SV2C: variants seen among roughly 807,000 people sequenced by gnomAD.
The protein encoded by SV2C is synaptic vesicle glycoprotein 2C.
In SV2C, 49 loss-of-function variants were observed where a neutral mutation model predicts 79.7. That is an observed-to-expected ratio of 0.61 (90% CI 0.49 to 0.78). SV2C has a LOEUF of 0.78. Ranked by LOEUF, SV2C falls within the 30% of genes least tolerant of loss-of-function variation. SV2C has a pLI of 0.00. For missense variants in SV2C, 833 were observed against 912.9 expected (o/e 0.91, Z 1.13); for synonymous variants, 334 against 333.2 (o/e 1.00, Z -0.03).
the SV2C span, among the ~76,000 whole-genome samples, chr5:75,915,955 G>T: frequency 1.3e-5 from 2 of 152,116 alleles, no homozygotes; most frequent in Non-Finnish European, 2.9e-5. Flanking sequence ...TTGCAAAAGG[G>T]GTCTTATCAA....
At chr5:76,257,261 GTA>G (rs1307295377) in intron 4 of SV2C, among the ~76,000 whole-genome samples, 6 of 36,316 alleles carry the variant, frequency 1.7e-4, no homozygotes, top group African/African-American at 4.3e-4. Context: ...GGGCTGTAGT[GTA>G]TGTGTGTGTG....
the SV2C span, among the ~76,000 whole-genome samples, chr5:75,883,865 A>G: frequency 6.6e-6 from 1 of 150,710 alleles, no homozygotes; most frequent in Non-Finnish European, 1.5e-5. Flanking sequence ...CAAAAAAAAA[A>G]CATTTCTTTC....
At chr5:75,933,306 A>G in the SV2C span, among the ~76,000 whole-genome samples, 119 of 152,192 alleles carry the variant, frequency 7.8e-4, 2 homozygotes, top group East Asian at 0.016. Context: ...TCACTTGCTT[A>G]CTCACATGTT....
At chr5:76,042,446 G>A in the SV2C span, among the ~76,000 whole-genome samples, 11 of 152,314 alleles carry the variant, frequency 7.2e-5, no homozygotes, top group Admixed American at 2.6e-4. Flanking sequence ...CATCAGAAAT[G>A]TTTCATAAAT....
rs1747430914 is a variant in SV2C, at chr5:76,288,555, C to A, written c.1138-2666C>A. Among the ~76,000 whole-genome samples, 3 of 152,176 alleles carry A rather than the reference C, an allele frequency of 2.0e-5. No homozygotes were observed. The South Asian group carries it at 6.2e-4, about 32-fold the overall frequency. On this transcript the variant is annotated intron_variant, in intron 6 of 12. Coordinates refer to ENST00000502798, the MANE Select transcript of SV2C (RefSeq NM_014979.4). Reference sequence around the variant, plus strand: ...ATATACAACATCACTTAACTCTTCTCAGCCAGATGAAGAAAAACCCTTTAT... The same window carrying A: ...ATATACAACATCACTTAACTCTTCTAAGCCAGATGAAGAAAAACCCTTTAT...
intron 10 of SV2C, among the ~76,000 whole-genome samples, chr5:76,299,309 A>G (rs1199172780): frequency 2.0e-5 from 3 of 152,202 alleles, no homozygotes; most frequent in South Asian, 2.1e-4. Context: ...GCTCAGATAC[A>G]TATATATTTT....
At chr5:75,853,919 A>C in the SV2C span, among the ~76,000 whole-genome samples, 1 of 151,322 alleles carries the variant, frequency 6.6e-6, no homozygotes, top group Non-Finnish European at 1.5e-5. Context: ...TGCATGTTTT[A>C]AATGTACAGT....
intron 12 of SV2C, among the ~76,000 whole-genome samples, chr5:76,301,784 C>T (rs763451683): frequency 6.6e-6 from 1 of 151,736 alleles, no homozygotes; most frequent in Non-Finnish European, 1.5e-5. Context: ...TGCCAGGTGC[C>T]TGTAATCCCA....
the SV2C span, among the ~76,000 whole-genome samples, chr5:75,860,507 T>C: frequency 6.6e-6 from 1 of 152,178 alleles, no homozygotes; most frequent in Non-Finnish European, 1.5e-5. Context: ...AAAGTGGCCA[T>C]AGTGCCCAAA....
chr5:76,254,446 C>T (rs573606761), intron 4 of SV2C, among the ~76,000 whole-genome samples: 1 of 152,110 alleles, frequency 6.6e-6, no homozygotes, highest in East Asian at 1.9e-4. Context: ...TTACTCAAAC[C>T]TCCATGTTTA....
At chr5:76,180,454 A>C (rs1347073259) in intron 2 of SV2C, among the ~76,000 whole-genome samples, 1 of 152,216 alleles carries the variant, frequency 6.6e-6, no homozygotes. Flanking sequence ...AGTCTATTAC[A>C]TCTGCGGCTG....
upstream of SV2C, among the ~76,000 whole-genome samples, chr5:76,080,025 G>C (rs1182073815): frequency 6.6e-6 from 1 of 151,818 alleles, no homozygotes; most frequent in Non-Finnish European, 1.5e-5. Context: ...CCTAGAATGT[G>C]ATTTTTGTTA....
At chr5:76,196,393 G>A (rs1247469885) in intron 3 of SV2C, among the ~76,000 whole-genome samples, 6 of 152,212 alleles carry the variant, frequency 3.9e-5, no homozygotes, top group South Asian at 4.1e-4. Flanking sequence ...TTGTAGCAAC[G>A]GAGAAAGGGG....
chr5:76,000,729 T>A, the SV2C span, among the ~76,000 whole-genome samples: 1 of 152,198 alleles, frequency 6.6e-6, no homozygotes. Flanking sequence ...CACTCCTTGC[T>A]TGATGGGGGA....
the SV2C span, among the ~76,000 whole-genome samples, chr5:75,954,516 T>A: frequency 6.6e-6 from 1 of 151,682 alleles, no homozygotes; most frequent in African/African-American, 2.4e-5. Flanking sequence ...CCACTCCTAT[T>A]CAACATAGTG....
At position 76,255,871 on chromosome 5, in the gene SV2C, C is replaced by T. The variant is rs1232024882; in HGVS notation, c.914-29291C>T. On this transcript the variant is annotated intron_variant, in intron 4 of 12. Transcript: ENST00000502798. ...CTTCCTGCCTCTTCCTTCAACTTGG[C>T]TCCCATCTCAGCCCTTCTGGGGGAA... Among the ~76,000 whole-genome samples, 4 of 152,180 alleles carry T rather than the reference C, an allele frequency of 2.6e-5. No homozygotes were observed. In the East Asian group the frequency reaches 5.8e-4, roughly 22 times the overall value.
At chr5:76,076,504 G>A in the SV2C span, among the ~76,000 whole-genome samples, 1 of 152,048 alleles carries the variant, frequency 6.6e-6, no homozygotes, top group Non-Finnish European at 1.5e-5. Context: ...TTCCTTGTGT[G>A]TTGTTATTTT....
At chr5:76,009,150 CA>C in the SV2C span, among the ~76,000 whole-genome samples, 3 of 152,182 alleles carry the variant, frequency 2.0e-5, no homozygotes, top group African/African-American at 7.2e-5. Context: ...GGCCAATAAA[CA>C]CATACAAAAA....
the SV2C span, among the ~76,000 whole-genome samples, chr5:75,867,113 C>T: frequency 6.6e-6 from 1 of 152,274 alleles, no homozygotes; most frequent in Admixed American, 6.5e-5. Flanking sequence ...TCCACACCCC[C>T]AGGCTTCTGT....
Sources: allele counts gnomAD v4.1 joint callset (sites outside exome capture counted in the v4.1 genomes callset), GRCh38; gene constraint gnomAD v4.1.1; transcripts MANE v1.5; gene names NCBI Gene and HGNC (gene_info 2026-07-23, HGNC 2026-07-21).